RUNX1: variants seen among roughly 807,000 people sequenced by gnomAD.
The protein encoded by RUNX1 is RUNX family transcription factor 1.
In RUNX1, 19 loss-of-function variants were observed where a neutral mutation model predicts 42.8. The observed-to-expected ratio is 0.44, with a 90% CI of 0.31 to 0.65. RUNX1 has a LOEUF of 0.65. Ranked by LOEUF, RUNX1 falls within the 30% of genes least tolerant of loss-of-function variation. RUNX1 has a pLI of 0.07. For missense variants in RUNX1, 528 were observed against 672.0 expected, an observed-to-expected ratio of 0.79 and a Z score of 2.37; for synonymous variants, 271 against 289.4, an observed-to-expected ratio of 0.94 and a Z score of 0.64.
intron 7 of RUNX1, among the ~76,000 whole-genome samples, chr21:34,816,855 A>C (rs1394710379): frequency 6.6e-6 from 1 of 152,122 alleles, no homozygotes; most frequent in Non-Finnish European, 1.5e-5. Flanking sequence ...CTTTTTGGTC[A>C]TTTCAGAGCA....
intron 2 of RUNX1, among the ~76,000 whole-genome samples, chr21:34,938,231 A>G (rs1472413932): frequency 6.6e-6 from 1 of 152,144 alleles, no homozygotes; most frequent in African/African-American, 2.4e-5. Flanking sequence ...TCTTCCCAGG[A>G]GAAGTAAAAT....
chr21:34,869,641 G>A (rs1303282618), intron 5 of RUNX1, among the ~76,000 whole-genome samples: 1 of 152,184 alleles, frequency 6.6e-6, no homozygotes, highest in East Asian at 1.9e-4. Flanking sequence ...ATGCATGGAT[G>A]TTCACTTGCA....
At chr21:34,954,788 G>T (rs540679595) in intron 2 of RUNX1, among the ~76,000 whole-genome samples, 1 of 152,154 alleles carries the variant, frequency 6.6e-6, no homozygotes, top group East Asian at 1.9e-4. Flanking sequence ...AGAGATTCTC[G>T]CAGAGGAGAA....
At chr21:34,905,899 T>C (rs2058214123) in intron 2 of RUNX1, among the ~76,000 whole-genome samples, 1 of 152,190 alleles carries the variant, frequency 6.6e-6, no homozygotes, top group South Asian at 2.1e-4. Context: ...AAAAGCATCC[T>C]CTCTTTACTG....
intron 2 of RUNX1, among the ~76,000 whole-genome samples, chr21:34,909,522 G>T (rs1480214909): frequency 6.9e-6 from 1 of 145,964 alleles, no homozygotes; most frequent in Non-Finnish European, 1.5e-5. Context: ...CAATTTCTCA[G>T]TGCAGCTCAC....
At chr21:35,002,571 G>T (rs1039624395) in intron 2 of RUNX1, among the ~76,000 whole-genome samples, 2 of 151,858 alleles carry the variant, frequency 1.3e-5, no homozygotes, top group Non-Finnish European at 2.9e-5. Flanking sequence ...GGGACTACAG[G>T]CACACGCCAC....
Position 34,792,287 on chromosome 21 carries a change from G to A in RUNX1, c.1291C>T (p.Pro431Ser), listed in dbSNP as rs2056450777. 2 of 1,542,060 alleles carry A rather than the reference G, an allele frequency of 1.3e-6. No individual in the cohort carries two copies. Among genetic ancestry groups the A allele is most frequent in the East Asian group, 2.4e-5 (1 of 41,048 alleles). ...GAGCCGGTGGAGGCGTTGGTGCAGGGCGGCAGGATGCGCGGCGGCGAGCGC... is the reference window on the plus strand; with the variant it reads ...GAGCCGGTGGAGGCGTTGGTGCAGGACGGCAGGATGCGCGGCGGCGAGCGC... ...GERSPPRILP[P>S]CTNASTGSAL... is the part of the protein sequence containing the mutation. Residue 431 changes from proline (P) to serine (S), a missense_variant, in exon 9 of 9, where the codon CCC (proline) becomes TCC (serine). By Grantham distance (74) the Pro-to-Ser change is moderately conservative. This residue lies in a region of RUNX1 where 331 missense variants were observed against 382.5 expected (regional missense o/e 0.87). Coordinates refer to ENST00000675419, the MANE Select transcript of RUNX1 (RefSeq NM_001754.5). This position sits in a 1 kb window ranked among gnomAD's most constrained non-coding sequence, Gnocchi z 6.9.
chr21:34,855,727 A>C (rs1601463273), intron 6 of RUNX1, among the ~76,000 whole-genome samples: 1 of 152,138 alleles, frequency 6.6e-6, no homozygotes, highest in African/African-American at 2.4e-5. Flanking sequence ...ACAAACAAAC[A>C]AACAAAAAAC....
chr21:35,022,895 G>GAATAATAATAAT (rs71196925), intron 2 of RUNX1, among the ~76,000 whole-genome samples: 11,516 of 144,156 alleles, frequency 0.08, 543 homozygotes, highest in Non-Finnish European at 0.093. Flanking sequence ...TACTCTGTTT[G>GAATAATAATAAT]AATAATAATA....
chr21:35,000,236 CTTTTTTTTTTT>C (rs397866864), intron 2 of RUNX1, among the ~76,000 whole-genome samples: 5 of 110,970 alleles, frequency 4.5e-5, no homozygotes, highest in African/African-American at 6.9e-5. Flanking sequence ...TTCTTTCTTT[CTTTTTTTTTTT>C]TTTTTTTTTT....
intron 7 of RUNX1, among the ~76,000 whole-genome samples, chr21:34,824,036 C>T (rs554469424): frequency 2.6e-5 from 4 of 152,254 alleles, no homozygotes; most frequent in Non-Finnish European, 4.4e-5. Flanking sequence ...ATGATGGTGC[C>T]CAGGATTGTG....
At chr21:35,027,380 A>G (rs975480742) in intron 2 of RUNX1, among the ~76,000 whole-genome samples, 20 of 152,366 alleles carry the variant, frequency 1.3e-4, no homozygotes, top group African/African-American at 4.6e-4. Context: ...CAGATTCTGC[A>G]CTTCTAACAA....
intron 2 of RUNX1, among the ~76,000 whole-genome samples, chr21:34,926,461 CAAAAAA>C (rs1188609077): frequency 5.6e-4 from 4 of 7,148 alleles, no homozygotes; most frequent in African/African-American, 6.6e-4. Context: ...GACCCAGTCT[CAAAAAA>C]AAAAAAAAAA....
chr21:34,945,091 T>G (rs559145447), intron 2 of RUNX1, among the ~76,000 whole-genome samples: 1 of 152,318 alleles, frequency 6.6e-6, no homozygotes, highest in African/African-American at 2.4e-5. Flanking sequence ...ATTATCAAGA[T>G]GTATAATTTG....
intron 2 of RUNX1, among the ~76,000 whole-genome samples, chr21:35,017,508 T>C (rs992410665): frequency 9.2e-5 from 14 of 152,274 alleles, no homozygotes; most frequent in Admixed American, 3.9e-4. Flanking sequence ...TTGGGGCCAG[T>C]TGTGATAGGG....
At chr21:34,883,992 C>T (rs769617461) in intron 4 of RUNX1, among the ~76,000 whole-genome samples, 5 of 152,188 alleles carry the variant, frequency 3.3e-5, no homozygotes, top group African/African-American at 9.7e-5. Context: ...CCAAGACCTC[C>T]GAACTTCCCT....
intron 6 of RUNX1, among the ~76,000 whole-genome samples, chr21:34,858,701 G>A (rs1277651580): frequency 2.0e-5 from 3 of 152,174 alleles, no homozygotes; most frequent in Non-Finnish European, 4.4e-5. Flanking sequence ...TGGATGCTGG[G>A]CGGGGGTGCT....
intron 2 of RUNX1, among the ~76,000 whole-genome samples, chr21:34,934,453 C>A (rs556657033): frequency 1.3e-5 from 2 of 152,092 alleles, no homozygotes; most frequent in South Asian, 4.1e-4. Flanking sequence ...CAAAGGGGAG[C>A]AGAATCCCTC....
intron 2 of RUNX1, among the ~76,000 whole-genome samples, chr21:34,962,033 C>T (rs1030217285): frequency 6.6e-6 from 1 of 152,048 alleles, no homozygotes; most frequent in Non-Finnish European, 1.5e-5. Context: ...GCTGGGACTA[C>T]AGGTGCATGC....
Sources: allele counts gnomAD v4.1 joint callset (sites outside exome capture counted in the v4.1 genomes callset), GRCh38; gene constraint gnomAD v4.1.1; regional missense constraint gnomAD v4.1.1; non-coding constraint Gnocchi (gnomAD v3.1); transcripts MANE v1.5; gene names NCBI Gene and HGNC (gene_info 2026-07-23, HGNC 2026-07-21).